TMTC1: variants seen among roughly 807,000 people sequenced by gnomAD.
The protein encoded by TMTC1 is protein O-mannosyl-transferase TMTC1.
In TMTC1, 73 loss-of-function variants were observed where a neutral mutation model predicts 104.8. That is an observed-to-expected ratio of 0.70 (90% confidence interval 0.58 to 0.85). The LOEUF is 0.85. Ranked by LOEUF, TMTC1 falls within the 40% of genes least tolerant of loss-of-function variation. TMTC1 has a pLI of 0.00. For synonymous variants in TMTC1, 434 were observed against 428.7 expected (o/e 1.01, Z -0.15); for missense variants, 1,035 against 1,096.1 (o/e 0.94, Z 0.79).
chr12:29,595,101 C>T (rs9668464), intron 7 of TMTC1, among the ~76,000 whole-genome samples: 7,182 of 152,224 alleles, frequency 0.047, 578 homozygotes, highest in African/African-American at 0.16. Context: ...CATCTGAATC[C>T]AAATTATACT....
At chr12:29,570,341 C>T (rs1184996590) in intron 9 of TMTC1, among the ~76,000 whole-genome samples, 1 of 152,146 alleles carries the variant, frequency 6.6e-6, no homozygotes, top group Non-Finnish European at 1.5e-5. Flanking sequence ...TAATCTTACC[C>T]ACCAGAGATA....
At chr12:29,701,502 C>CCTAA (rs1424715872) in intron 5 of TMTC1, among the ~76,000 whole-genome samples, 1 of 152,186 alleles carries the variant, frequency 6.6e-6, no homozygotes, top group Non-Finnish European at 1.5e-5. Flanking sequence ...TGAGACTCTT[C>CCTAA]CTAACTTCCC....
intron 10 of TMTC1, among the ~76,000 whole-genome samples, chr12:29,544,360 C>G (rs1181138568): frequency 6.6e-6 from 1 of 152,120 alleles, no homozygotes; most frequent in Non-Finnish European, 1.5e-5. Flanking sequence ...TCCCACCCCC[C>G]ATCCTACCCT....
At chr12:29,654,793 A>G (rs1372781164) in intron 5 of TMTC1, among the ~76,000 whole-genome samples, 3 of 152,208 alleles carry the variant, frequency 2.0e-5, no homozygotes, top group Non-Finnish European at 2.9e-5. Flanking sequence ...GGAATCAAGT[A>G]TTGACATATG....
At chr12:29,556,407 A>G (rs1945247132) in intron 10 of TMTC1, among the ~76,000 whole-genome samples, 1 of 152,208 alleles carries the variant, frequency 6.6e-6, no homozygotes, top group Non-Finnish European at 1.5e-5. Context: ...TGCTTTTCCC[A>G]AAGTATATTA....
rs535487931 is a variant in TMTC1, at chr12:29,647,747, T to C, written c.939-14411A>G. On this transcript the variant is annotated intron_variant, in intron 5 of 17. Coordinates refer to ENST00000539277, the MANE Select transcript of TMTC1 (RefSeq NM_001193451.2). ...CACTCAAGCAAATCTATTCTAGTTG[T>C]TTATCCAGGACCAAATCTCATGAAA... 8.1e-4 allele frequency among the ~76,000 whole-genome samples: 124 copies of C among 152,362 alleles called. No homozygotes were observed. In the Middle Eastern group the frequency reaches 0.02, roughly 25 times the overall value.
At chr12:29,774,506 A>C (rs183595381) in intron 1 of TMTC1, among the ~76,000 whole-genome samples, 3 of 152,338 alleles carry the variant, frequency 2.0e-5, no homozygotes, top group Non-Finnish European at 4.4e-5. Flanking sequence ...TGGTGTCTCC[A>C]GTGTTGGGTT....
intron 7 of TMTC1, among the ~76,000 whole-genome samples, chr12:29,603,094 C>T (rs546249077): frequency 7.2e-5 from 11 of 152,180 alleles, no homozygotes; most frequent in African/African-American, 2.6e-4. Flanking sequence ...TATTTCTGTC[C>T]TTATTGAATA....
chr12:29,726,483 G>T (rs150838151), intron 5 of TMTC1, among the ~76,000 whole-genome samples: 1 of 151,906 alleles, frequency 6.6e-6, no homozygotes, highest in Non-Finnish European at 1.5e-5. Context: ...TTCAATCTAC[G>T]TCTGATTCTG....
At chr12:29,758,987 G>A (rs1592020449) in intron 2 of TMTC1, among the ~76,000 whole-genome samples, 1 of 152,134 alleles carries the variant, frequency 6.6e-6, no homozygotes, top group African/African-American at 2.4e-5. Flanking sequence ...GAAAAAAGAG[G>A]ATGGACGGAA....
intron 6 of TMTC1, among the ~76,000 whole-genome samples, chr12:29,618,871 CA>C (rs1947058113): frequency 6.6e-6 from 1 of 152,134 alleles, no homozygotes; most frequent in African/African-American, 2.4e-5. Flanking sequence ...CTAGATGTTA[CA>C]AAAATATCTT....
In TMTC1 at chr12:29,698,083, G is replaced by A. The variant is rs571650981; in HGVS notation, c.938+53583C>T. Among the ~76,000 whole-genome samples, 7 of 152,168 alleles carry A rather than the reference G, an allele frequency of 4.6e-5. No individual in the cohort carries two copies. The East Asian group carries it at 9.7e-4, about 21-fold the overall frequency. On this transcript the variant is annotated intron_variant, in intron 5 of 17. Transcript: ENST00000539277. The stretch of plus-strand genomic sequence containing the variant: ...GCTTTCCTCTGATCTTCCCTTATCT[G>A]CCTAAAGACTGGACCAACCAAGGAA...
At chr12:29,763,751 G>A (rs760847544) in intron 2 of TMTC1, among the ~76,000 whole-genome samples, 1 of 152,206 alleles carries the variant, frequency 6.6e-6, no homozygotes, top group Non-Finnish European at 1.5e-5. Context: ...GGAAGCTCAA[G>A]GCGAGAGGAA....
rs562292912 is a variant in TMTC1 at position 29,724,347 on chromosome 12, T to C, written c.938+27319A>G. 8.5e-5 allele frequency among the ~76,000 whole-genome samples: 13 copies of C among 152,296 alleles called. No individual in the cohort carries two copies. In the East Asian group the frequency reaches 2.3e-3, roughly 27 times the overall value. On this transcript the variant is annotated intron_variant, in intron 5 of 17. Coordinates refer to ENST00000539277, the MANE Select transcript of TMTC1 (RefSeq NM_001193451.2). ...GTTTGGGAGAAGAAATAGGGCCTAA[T>C]TAATAATGATGAAGATACACATGCC... is the stretch of plus-strand genomic sequence containing the variant.
chr12:29,540,143 A>T (rs1412775171), intron 10 of TMTC1, among the ~76,000 whole-genome samples: 1 of 152,152 alleles, frequency 6.6e-6, no homozygotes, highest in East Asian at 1.9e-4. Context: ...CTTCTCTGAG[A>T]TCCTAGTGAA....
chr12:29,703,031 C>T (rs532254658), intron 5 of TMTC1, among the ~76,000 whole-genome samples: 4 of 151,896 alleles, frequency 2.6e-5, no homozygotes, highest in Admixed American at 2.6e-4. Context: ...ATAATCCCAG[C>T]TACTCGGGAG....
chr12:29,694,235 C>A (rs553173269), intron 5 of TMTC1, among the ~76,000 whole-genome samples: 1 of 152,284 alleles, frequency 6.6e-6, no homozygotes, highest in East Asian at 1.9e-4. Context: ...GAAGCAATCT[C>A]CTCAATGATT....
chr12:29,539,734 C>T (rs1185599570), intron 10 of TMTC1, among the ~76,000 whole-genome samples: 1 of 152,142 alleles, frequency 6.6e-6, no homozygotes, highest in Non-Finnish European at 1.5e-5. Flanking sequence ...AGTAGGATGC[C>T]CTCCGTATGA....
intron 11 of TMTC1, among the ~76,000 whole-genome samples, chr12:29,532,195 T>C (rs913809532): frequency 2.0e-5 from 3 of 152,208 alleles, no homozygotes; most frequent in Non-Finnish European, 4.4e-5. Flanking sequence ...CTGTCATTGG[T>C]CCATATGCCA....
Sources: gnomAD v4.1 joint callset for allele counts (sites outside exome capture counted in the v4.1 genomes callset) on GRCh38, gnomAD v4.1.1 for gene constraint, MANE v1.5 for transcripts, NCBI Gene and HGNC (gene_info 2026-07-23, HGNC 2026-07-21) for gene names.